SPAG16: variants seen among roughly 807,000 people sequenced by gnomAD.
The protein encoded by SPAG16 is sperm associated antigen 16.
In SPAG16, 86 loss-of-function variants were observed where a neutral mutation model predicts 80.4. The ratio of observed to expected loss-of-function variants is 1.07; its 90% CI spans 0.90 to 1.28. The LOEUF is 1.28. Among genes scored for constraint, SPAG16 ranks in the 50% most tolerant of loss-of-function variants. The pLI is 0.00. For missense variants in SPAG16, 870 were observed against 765.3 expected (o/e 1.14, Z -1.61); for synonymous variants, 294 against 265.9 (o/e 1.11, Z -1.03).
intron 9 of SPAG16, among the ~76,000 whole-genome samples, chr2:213,449,953 A>G (rs540673102): frequency 6.6e-6 from 1 of 152,318 alleles, no homozygotes; most frequent in East Asian, 1.9e-4. Context: ...ACCAACATAT[A>G]TTTTTAAATA....
intron 10 of SPAG16, among the ~76,000 whole-genome samples, chr2:213,583,750 T>C (rs7421588): frequency 0.27 from 41,742 of 152,128 alleles, 6,493 homozygotes; most frequent in Middle Eastern, 0.44. Context: ...TATTTGATCT[T>C]CATTATGATA....
intron 9 of SPAG16, among the ~76,000 whole-genome samples, chr2:213,391,632 T>G (rs1349329247): frequency 6.6e-6 from 1 of 152,204 alleles, no homozygotes; most frequent in Admixed American, 6.5e-5. Flanking sequence ...ATAACAGGAT[T>G]TAGACTCAAG....
chr2:214,307,255 G>A (rs1044990607), intron 15 of SPAG16, among the ~76,000 whole-genome samples: 1 of 151,854 alleles, frequency 6.6e-6, no homozygotes, highest in Non-Finnish European at 1.5e-5. Context: ...TTCTGATTGT[G>A]ATTATTTGCT....
At chr2:213,460,367 T>G (rs2072290979) in intron 9 of SPAG16, among the ~76,000 whole-genome samples, 1 of 152,234 alleles carries the variant, frequency 6.6e-6, no homozygotes, top group Non-Finnish European at 1.5e-5. Context: ...ATAGAACAAG[T>G]GTAATGCCAC....
intron 15 of SPAG16, among the ~76,000 whole-genome samples, chr2:214,261,612 C>T (rs1303481576): frequency 6.6e-6 from 1 of 152,032 alleles, no homozygotes; most frequent in African/African-American, 2.4e-5. Flanking sequence ...CACATTTGCC[C>T]TTTATACATT....
chr2:213,805,382 T>A (rs934762774), intron 10 of SPAG16, among the ~76,000 whole-genome samples: 2 of 152,194 alleles, frequency 1.3e-5, no homozygotes, highest in Non-Finnish European at 2.9e-5. Context: ...ACTAGGTATG[T>A]CTACCCTAAA....
intron 6 of SPAG16, among the ~76,000 whole-genome samples, chr2:213,345,806 A>T (rs1309877177): frequency 6.6e-6 from 1 of 152,168 alleles, no homozygotes; most frequent in African/African-American, 2.4e-5. Flanking sequence ...GTTTGAAGTC[A>T]GGTAGCGTGA....
intron 10 of SPAG16, among the ~76,000 whole-genome samples, chr2:213,586,011 A>G (rs1407364363): frequency 1.3e-5 from 2 of 152,222 alleles, no homozygotes; most frequent in Non-Finnish European, 2.9e-5. Flanking sequence ...TGATGAATAT[A>G]CTGACGTATA....
chr2:213,624,605 C>CTTT (rs2061894734), intron 10 of SPAG16, among the ~76,000 whole-genome samples: 1 of 152,184 alleles, frequency 6.6e-6, no homozygotes, highest in Non-Finnish European at 1.5e-5. Context: ...AAAACACTGA[C>CTTT]TGGTAAGTTA....
At chr2:214,285,368 T>C (rs1371524685) in intron 15 of SPAG16, among the ~76,000 whole-genome samples, 1 of 152,200 alleles carries the variant, frequency 6.6e-6, no homozygotes, top group Non-Finnish European at 1.5e-5. Flanking sequence ...GTTTCTTACA[T>C]ATTTTGGATA....
intron 12 of SPAG16, among the ~76,000 whole-genome samples, chr2:214,002,653 C>T (rs907490415): frequency 6.6e-6 from 1 of 152,152 alleles, no homozygotes; most frequent in African/African-American, 2.4e-5. Flanking sequence ...TGAACCAAGG[C>T]AGTCAGTGCT....
chr2:213,577,748 C>T (rs912840926), intron 10 of SPAG16, among the ~76,000 whole-genome samples: 10 of 152,060 alleles, frequency 6.6e-5, no homozygotes, highest in African/African-American at 1.7e-4. Flanking sequence ...CAAAGTTGCT[C>T]GGTTATTTGA....
At chr2:214,342,275 G>A (rs1270146844) in intron 15 of SPAG16, among the ~76,000 whole-genome samples, 2 of 152,184 alleles carry the variant, frequency 1.3e-5, no homozygotes, top group Admixed American at 6.5e-5. Flanking sequence ...ACTGATACTG[G>A]TCCTTGGCCT....
intron 6 of SPAG16, among the ~76,000 whole-genome samples, chr2:213,347,221 C>A (rs920310970): frequency 6.6e-6 from 1 of 152,106 alleles, no homozygotes; most frequent in East Asian, 1.9e-4. Context: ...TCTGTGGGAT[C>A]GGTGGTGATA....
At chr2:213,315,538 G>T (rs148599635) in intron 4 of SPAG16, among the ~76,000 whole-genome samples, 1 of 151,844 alleles carries the variant, frequency 6.6e-6, no homozygotes, top group Non-Finnish European at 1.5e-5. Flanking sequence ...GAGAAGAACC[G>T]CCCTAGATTT....
chr2:214,020,926 T>C (rs2047831476), intron 13 of SPAG16, among the ~76,000 whole-genome samples: 1 of 152,208 alleles, frequency 6.6e-6, no homozygotes, highest in South Asian at 2.1e-4. Context: ...TAAAAATATG[T>C]GTTATCAAAT....
chr2:213,747,610 G>A (rs1016725951), intron 10 of SPAG16, among the ~76,000 whole-genome samples: 40 of 152,088 alleles, frequency 2.6e-4, no homozygotes, highest in African/African-American at 8.2e-4. Context: ...TGTTACTATC[G>A]CTACAATATT....
intron 15 of SPAG16, among the ~76,000 whole-genome samples, chr2:214,362,683 A>G (rs1411974997): frequency 6.6e-6 from 1 of 151,824 alleles, no homozygotes; most frequent in East Asian, 1.9e-4. Flanking sequence ...AAAATACCTT[A>G]TATCAGTTCC....
At chr2:213,935,626 T>C (rs566782505) in intron 12 of SPAG16, among the ~76,000 whole-genome samples, 4 of 152,302 alleles carry the variant, frequency 2.6e-5, no homozygotes, top group African/African-American at 9.6e-5. Context: ...TCTCCATTAG[T>C]AGGACACTGT....
Sources: gnomAD v4.1 joint callset for allele counts (sites outside exome capture counted in the v4.1 genomes callset) on GRCh38, gnomAD v4.1.1 for gene constraint, MANE v1.5 for transcripts, NCBI Gene and HGNC (gene_info 2026-07-23, HGNC 2026-07-21) for gene names.